JMJD1C: variants seen among roughly 807,000 people sequenced by gnomAD.
JMJD1C encodes the protein jumonji domain-containing protein 1C.
JMJD1C carries 31 observed loss-of-function variants against 245.3 expected under a neutral mutation model. That is an observed-to-expected ratio of 0.13 (90% CI 0.09 to 0.17). The LOEUF (loss-of-function observed/expected upper bound fraction) is 0.17, where lower values mean the gene tolerates loss of function less well. Among genes scored for constraint, JMJD1C ranks in the 10% least tolerant of loss-of-function variants. The pLI, the probability that JMJD1C is intolerant of heterozygous loss-of-function variation, is 1.00. For synonymous variants in JMJD1C, 1,057 were observed against 1,017.4 expected, an observed-to-expected ratio of 1.04 and a Z score of -0.74; for missense variants, 2,691 against 3,000.2, an observed-to-expected ratio of 0.90 and a Z score of 2.41.
At chr10:63,414,986 T>A (rs555132154) in intron 1 of JMJD1C, among the ~76,000 whole-genome samples, 1 of 151,682 alleles carries the variant, frequency 6.6e-6, no homozygotes, top group Non-Finnish European at 1.5e-5. Flanking sequence ...TAGGTTGGTA[T>A]TCCCAACAAG....
chr10:63,184,981 A>C (rs915378918), intron 20 of JMJD1C, among the ~76,000 whole-genome samples: 1 of 152,014 alleles, frequency 6.6e-6, no homozygotes, highest in East Asian at 1.9e-4. Flanking sequence ...TTTTTGAGAC[A>C]AAGTTTCACT....
intron 1 of JMJD1C, among the ~76,000 whole-genome samples, chr10:63,513,475 T>A (rs183548295): frequency 1.3e-5 from 2 of 152,256 alleles, no homozygotes; most frequent in Admixed American, 1.3e-4. Flanking sequence ...CTAATTAAAC[T>A]AAAGAGCTTT....
chr10:63,362,765 G>GA, intron 2 of JMJD1C, among the ~76,000 whole-genome samples: 1 of 152,096 alleles, frequency 6.6e-6, no homozygotes, highest in East Asian at 1.9e-4. Context: ...ACAGGCATGA[G>GA]CCATCATGCC....
At chr10:63,319,619 C>T (rs1940595320) in intron 2 of JMJD1C, among the ~76,000 whole-genome samples, 1 of 151,992 alleles carries the variant, frequency 6.6e-6, no homozygotes, top group Admixed American at 6.6e-5. Context: ...ATGTCAATAC[C>T]TTTATTTCTG....
intron 2 of JMJD1C, among the ~76,000 whole-genome samples, chr10:63,339,640 T>G (rs1020918346): frequency 6.8e-6 from 1 of 147,882 alleles, no homozygotes; most frequent in Non-Finnish European, 1.5e-5. Context: ...AAAAATTAAA[T>G]GTAGGCCAGG....
chr10:63,229,305 A>G (rs1849683982), intron 3 of JMJD1C, among the ~76,000 whole-genome samples: 1 of 152,226 alleles, frequency 6.6e-6, no homozygotes, highest in Non-Finnish European at 1.5e-5. Flanking sequence ...CATTTAAACT[A>G]AAGCAATAAA....
At chr10:63,480,042 G>C (rs534689598) in intron 1 of JMJD1C, among the ~76,000 whole-genome samples, 30 of 152,112 alleles carry the variant, frequency 2.0e-4, no homozygotes, top group African/African-American at 7.2e-4. Context: ...TGGTACTCTA[G>C]AATACCATTA....
intron 1 of JMJD1C, among the ~76,000 whole-genome samples, chr10:63,489,071 G>A (rs1478289359): frequency 6.6e-6 from 1 of 152,162 alleles, no homozygotes; most frequent in Non-Finnish European, 1.5e-5. Context: ...TGGTGCTGGG[G>A]TAAACAAACC....
intron 2 of JMJD1C, among the ~76,000 whole-genome samples, chr10:63,276,160 C>T: frequency 6.6e-6 from 1 of 151,950 alleles, no homozygotes; most frequent in East Asian, 1.9e-4. Flanking sequence ...ATGGCATTGC[C>T]AAGACATTAG....
intron 2 of JMJD1C, among the ~76,000 whole-genome samples, chr10:63,284,381 G>A (rs768039753): frequency 5.3e-5 from 8 of 152,036 alleles, no homozygotes; most frequent in Non-Finnish European, 8.8e-5. Context: ...GCTTTGTTAT[G>A]CTTCATTATG....
At chr10:63,188,510 C>T (rs1029206492) in intron 18 of JMJD1C, among the ~76,000 whole-genome samples, 1 of 152,150 alleles carries the variant, frequency 6.6e-6, no homozygotes, top group Non-Finnish European at 1.5e-5. Flanking sequence ...TTATTAGATG[C>T]TCAATAACTG....
At chr10:63,505,249 G>A (rs1057291380) in intron 1 of JMJD1C, among the ~76,000 whole-genome samples, 1 of 151,360 alleles carries the variant, frequency 6.6e-6, no homozygotes, top group Non-Finnish European at 1.5e-5. Flanking sequence ...CCAGGGAGGC[G>A]GAGCTTGAAG....
At chr10:63,249,463 A>G (rs1195804898) in intron 3 of JMJD1C, among the ~76,000 whole-genome samples, 6 of 152,264 alleles carry the variant, frequency 3.9e-5, no homozygotes, top group African/African-American at 1.4e-4. Context: ...CAGAATAAAT[A>G]AGACCTATGG....
At chr10:63,358,202 G>A (rs1038120738) in intron 2 of JMJD1C, among the ~76,000 whole-genome samples, 3 of 152,044 alleles carry the variant, frequency 2.0e-5, no homozygotes, top group Non-Finnish European at 4.4e-5. Flanking sequence ...TCTATTTTAG[G>A]ATACGAAAAT....
In JMJD1C at chr10:63,484,187, G is replaced by GGGATGGATGGAT. The variant is rs375305760; in HGVS notation, n.113+37539_113+37550dup. 2.8e-4 allele frequency among the ~76,000 whole-genome samples: 41 copies of GGGATGGATGGAT among 144,928 alleles called. 2 individuals carry two copies. Among genetic ancestry groups the GGGATGGATGGAT allele is most frequent in the Middle Eastern group, 3.5e-3 (1 of 288 alleles). Reference sequence around the variant, plus strand: ...CTCACTCCTGTAATCCCAGCACCTTGGGATGGATGGATGGATGGATGGATG... The same window carrying GGGATGGATGGAT: ...CTCACTCCTGTAATCCCAGCACCTTGGGATGGATGGATGGATGGATGGATGGATGGATGGATG... On this transcript the variant is annotated intron_variant and non_coding_transcript_variant, in intron 1 of 3. Coordinates refer to the JMJD1C transcript ENST00000633035.
chr10:63,420,346 G>C (rs1950050411), intron 1 of JMJD1C, among the ~76,000 whole-genome samples: 1 of 152,178 alleles, frequency 6.6e-6, no homozygotes, highest in African/African-American at 2.4e-5. Flanking sequence ...TGTGAACACA[G>C]TGTAAGAATA....
At chr10:63,269,071 T>C (rs1855977108) in intron 2 of JMJD1C, 5 of 985,456 alleles carry the variant, frequency 5.1e-6, no homozygotes, top group Middle Eastern at 5.2e-4. Context: ...GTCAGGATAA[T>C]TTCTCTCGAG....
At chr10:63,203,857 C>G in intron 10 of JMJD1C, 1 of 981,680 alleles carries the variant, frequency 1.0e-6, no homozygotes, top group Non-Finnish European at 1.2e-6. Flanking sequence ...AAGCCTAACT[C>G]ATTCTTTTTG....
intron 1 of JMJD1C, among the ~76,000 whole-genome samples, chr10:63,411,712 C>T (rs1020931071): frequency 1.3e-5 from 2 of 151,188 alleles, no homozygotes; most frequent in African/African-American, 4.9e-5. Flanking sequence ...AAGTGATTCT[C>T]CTGCCTCAGC....
Sources: gnomAD v4.1 joint callset for allele counts (sites outside exome capture counted in the v4.1 genomes callset) on GRCh38, gnomAD v4.1.1 for gene constraint, MANE v1.5 for transcripts, NCBI Gene and HGNC (gene_info 2026-07-23, HGNC 2026-07-21) for gene names.